Variants in SELENOP observed in about 807,000 individuals in gnomAD.
SELENOP encodes selenoprotein P, also known as selenoprotein P, plasma, 1.
SELENOP carries 36 observed loss-of-function variants against 41.0 expected under a neutral mutation model. That is an observed-to-expected ratio of 0.88 (90% CI 0.67 to 1.16). The LOEUF (loss-of-function observed/expected upper bound fraction) is 1.16, where lower values mean the gene tolerates loss of function less well. SELENOP is among the 50% of genes most tolerant of loss of function. The pLI, the probability that SELENOP is intolerant of heterozygous loss-of-function variation, is 0.00. For synonymous variants in SELENOP, 144 were observed against 150.8 expected, an observed-to-expected ratio of 0.95 and a Z score of 0.33; for missense variants, 440 against 454.2, an observed-to-expected ratio of 0.97 and a Z score of 0.28.
At position 42,808,150 on chromosome 5, in the gene SELENOP, C is replaced by T; in HGVS notation, c.203+1G>A. 2 of 1,489,024 alleles carry T rather than the reference C, an allele frequency of 1.3e-6. No individual in the cohort carries two copies. Among genetic ancestry groups the T allele is most frequent in the South Asian group, 1.4e-5 (1 of 71,184 alleles). 92.2% of individuals were successfully genotyped at this position (1,489,024 alleles called of 1,614,324 possible). On this transcript the variant is annotated splice_donor_variant, in intron 2 of 4. Transcript: ENST00000514985. LOFTEE classifies it high-confidence loss of function. Reference sequence around the variant, plus strand: ...TTTAAGCCACAGAAAGACTGTCTTACTTAGATGCCTGCAGTATGCACAGGT... The same window carrying T: ...TTTAAGCCACAGAAAGACTGTCTTATTTAGATGCCTGCAGTATGCACAGGT...
chr5:42,808,988 C>A (rs953622741), intron 1 of SELENOP, among the ~76,000 whole-genome samples: 3 of 151,436 alleles, frequency 2.0e-5, no homozygotes, highest in African/African-American at 7.3e-5. Context: ...ATGAAAAGAG[C>A]CAGCAAAAAA....
chr5:42,808,229 A>G lies in SELENOP; in HGVS notation c.125T>C (p.Met42Thr), dbSNP rs1366035700. 6.3e-7 allele frequency: 1 copy of G among 1,585,132 alleles called. No homozygotes were observed. The highest frequency in any genetic ancestry group is 8.6e-7 in the Non-Finnish European group (1 of 1,166,142). Residue 42 changes from methionine to threonine, a missense_variant, in exon 2 of 5, where the codon ATG becomes ACG. Met to Thr is a moderately conservative substitution (Grantham distance 81). Transcript: ENST00000514985. ...AGTCACTGAACCATTGGAGTTTAGC[A>G]TTGGATCTTGATCTCTTATGCTCCA... ...PAWSIRDQDPMLNSNGSVTVV... is the reference protein window; with the variant it reads ...PAWSIRDQDPTLNSNGSVTVV...
rs756213126 is a variant in SELENOP at position 42,800,897 on chromosome 5, G to GT, written c.968dup (p.Asn323LysfsTer?). 1.2e-6 allele frequency: 2 copies of GT among 1,614,130 alleles called. No individual in the cohort carries two copies. Among genetic ancestry groups the GT allele is most frequent in the Non-Finnish European group, 1.7e-6 (2 of 1,180,020 alleles). On this transcript the variant is annotated frameshift_variant, in exon 5 of 5. Transcript: ENST00000514985. LOFTEE classifies it high-confidence loss of function. Reference sequence around the variant, plus strand: ...CCTGTCAGCTACATAAAGATGGGAGGTTTTCTTTACACTGTCAGGTGATTG... The same window carrying GT: ...CCTGTCAGCTACATAAAGATGGGAGGTTTTTCTTTACACTGTCAGGTGATTG...
intron 2 of SELENOP, 184 bp downstream of exon 2, chr5:42,807,967 A>G (rs903736289): frequency 5.3e-6 from 2 of 374,012 alleles, no homozygotes; most frequent in Non-Finnish European, 9.4e-6. Context: ...TAGGAAACCC[A>G]CTGTAAACAT....
rs752846115 is a variant in SELENOP at position 42,800,806 on chromosome 5, TTTGTCAGG to T, written c.1052_1059del (p.Ala351AspfsTer?). On this transcript the variant is annotated frameshift_variant, in exon 5 of 5. Coordinates refer to ENST00000514985, the MANE Select transcript of SELENOP (RefSeq NM_005410.4). LOFTEE classifies it high-confidence loss of function. ...TCTGTGGGTATAAGCTGCTGACTTA[TTTGTCAGG>T]CAGCTGGAGGCAAACGTCACTGACA... 1.1e-5 allele frequency: 17 copies of T among 1,614,232 alleles called. No homozygotes were observed. The highest frequency in any genetic ancestry group is 1.4e-5 in the Non-Finnish European group (17 of 1,180,038).
intron 4 of SELENOP, among the ~76,000 whole-genome samples, chr5:42,804,448 C>G (rs1308456753): frequency 6.6e-6 from 1 of 151,916 alleles, no homozygotes; most frequent in African/African-American, 2.4e-5. Context: ...GCGACAGAGA[C>G]AGACTCCGTC....
rs1318399666 is a variant in SELENOP, at chr5:42,801,187, G to GATTCTGGTTGCTT, written c.678_679insAAGCAACCAGAAT (p.Gln227LysfsTer?). The GATTCTGGTTGCTT allele has an allele frequency of 6.2e-7, 1 of 1,614,142 alleles. No homozygotes were observed. The highest frequency in any genetic ancestry group is 8.5e-7 in the Non-Finnish European group (1 of 1,180,022). On this transcript the variant is annotated frameshift_variant, in exon 5 of 5. Transcript: ENST00000514985. LOFTEE classifies it high-confidence loss of function. The stretch of plus-strand genomic sequence containing the variant: ...GGAGCATTTGGTGCTCCTGGTTGCT[G>GATTCTGGTTGCTT]ATTCTCTGAAAGCTCACTGCTGCCA...
At chr5:42,803,624 T>G (rs898030528) in intron 4 of SELENOP, among the ~76,000 whole-genome samples, 14 of 152,204 alleles carry the variant, frequency 9.2e-5, no homozygotes, top group African/African-American at 3.4e-4. Flanking sequence ...AAACCTAAGT[T>G]CAAATTTTCC....
chr5:42,809,718 C>G, intron 1 of SELENOP: 3 of 740,840 alleles, frequency 4.0e-6, no homozygotes, highest in Non-Finnish European at 4.9e-6. Flanking sequence ...AATTTTTAAC[C>G]CTGATTGTCT....
chr5:42,806,944 A>G lies in SELENOP; in HGVS notation c.368T>C (p.Val123Ala). The change falls in exon 3 of 5, where the codon GTC becomes GCC. Residue 123 changes from valine to alanine, a missense_variant. Coordinates refer to ENST00000514985, the MANE Select transcript of SELENOP (RefSeq NM_005410.4). ...TTTGCTTCCATTTAAAAGAGTCCAGACATCTGTTTGGTTTTCTTCTTGTTG... is the reference window on the plus strand; with the variant it reads ...TTTGCTTCCATTTAAAAGAGTCCAGGCATCTGTTTGGTTTTCTTCTTGTTG... ...VYQQEENQTDVWTLLNGSKDD... is the reference protein window; with the variant it reads ...VYQQEENQTDAWTLLNGSKDD... 4.3e-6 allele frequency: 7 copies of G among 1,612,196 alleles called. No homozygotes were observed. Among genetic ancestry groups the G allele is most frequent in the Non-Finnish European group, 5.1e-6 (6 of 1,178,834 alleles).
Position 42,801,202 on chromosome 5 carries a change from C to A in SELENOP, c.664G>T (p.Glu222Ter), listed in dbSNP as rs1166843358. ...NHGHQHLGSS[E>*]LSENQQPGAP... ...CCTGGTTGCTGATTCTCTGAAAGCT[C>A]ACTGCTGCCAAGGTGCTGATGTCCA... Residue 222 changes from glutamate (E) to a stop codon, truncating the protein, a stop_gained, in exon 5 of 5, where the codon GAG (glutamate) becomes TAG (stop). Coordinates refer to ENST00000514985, the MANE Select transcript of SELENOP (RefSeq NM_005410.4). LOFTEE classifies it high-confidence loss of function. 1.2e-6 allele frequency: 2 copies of A among 1,614,010 alleles called. No individual in the cohort carries two copies. The highest frequency in any genetic ancestry group is 1.7e-6 in the Non-Finnish European group (2 of 1,180,038).
rs1331420973 is a variant in SELENOP at position 42,807,063 on chromosome 5, A to G, written c.249T>C (p.Asn83=). The change falls in exon 3 of 5, where the codon AAT becomes AAC. Residue 83 remains asparagine, a synonymous_variant. Coordinates refer to ENST00000514985, the MANE Select transcript of SELENOP (RefSeq NM_005410.4). ...RVKLKKEGYS[N]ISYIVVNHQG... is the part of the protein sequence containing the mutation. ...GATGATTAACAACAATATAAGAAAT[A>G]TTAGAATATCCTTCTTTCTTCAGTT... The G allele has an allele frequency of 2.6e-6, 4 of 1,552,460 alleles. No homozygotes were observed. The highest frequency in any genetic ancestry group is 3.5e-6 in the Non-Finnish European group (4 of 1,128,334).
At chr5:42,802,899 G>A (rs911056189) in intron 4 of SELENOP, among the ~76,000 whole-genome samples, 2 of 152,192 alleles carry the variant, frequency 1.3e-5, no homozygotes, top group East Asian at 1.9e-4. Flanking sequence ...GTGGGCCACC[G>A]CACCCTGCCA....
chr5:42,804,393 G>T (rs1347393881), intron 4 of SELENOP, among the ~76,000 whole-genome samples: 1 of 152,118 alleles, frequency 6.6e-6, no homozygotes, highest in Non-Finnish European at 1.5e-5. Flanking sequence ...CCCGGGAGGC[G>T]GAGCTTGCAG....
Position 42,809,717 on chromosome 5 carries a change from C to A in SELENOP, c.-13-1351G>T, listed in dbSNP as rs531696990. On this transcript the variant is annotated intron_variant, in intron 1 of 4. Transcript: ENST00000514985. Reference sequence around the variant, plus strand: ...TGGTAGATATAGATAGAATTTTTAACCCTGATTGTCTTTCACATTATTTAA... The same window carrying A: ...TGGTAGATATAGATAGAATTTTTAAACCTGATTGTCTTTCACATTATTTAA... 1.8e-5 allele frequency: 13 copies of A among 729,238 alleles called. No individual in the cohort carries two copies. The Admixed American group carries it at 8.2e-4, about 46-fold the overall frequency. The allele number at this position is 729,238 out of a possible 1,614,324, so 45.2% of individuals were successfully genotyped here. A position where few individuals can be genotyped will look rare whatever the true frequency, so the allele number is the denominator to read the frequency against.
chr5:42,800,801 A>C lies in SELENOP; in HGVS notation c.1065T>G (p.Ser355Arg). 6.2e-7 allele frequency: 1 copy of C among 1,614,146 alleles called. No individual in the cohort carries two copies. The highest frequency in any genetic ancestry group is 8.5e-7 in the Non-Finnish European group (1 of 1,180,022). ...TGGCTTCTGTGGGTATAAGCTGCTG[A>C]CTTATTTGTCAGGCAGCTGGAGGCA... ...URLPPAAUQI[S>R]QQLIPTEASA... The change falls in exon 5 of 5, where the codon AGT becomes AGG. Residue 355 changes from serine (S) to arginine (R), a missense_variant. Ser to Arg is a moderately radical substitution (Grantham distance 110). Coordinates refer to ENST00000514985, the MANE Select transcript of SELENOP (RefSeq NM_005410.4).
chr5:42,808,196 G>A lies in SELENOP; in HGVS notation c.158C>T (p.Ala53Val). Reference sequence around the variant, plus strand: ...CAGGTATCAGCTGGCTTGAAGAAGAGCAACCACAGTCACTGAACCATTGGA... The same window carrying A: ...CAGGTATCAGCTGGCTTGAAGAAGAACAACCACAGTCACTGAACCATTGGA... ...LNSNGSVTVV[A>V]LLQASUYLCI... Residue 53 changes from alanine to valine, a missense_variant, in exon 2 of 5, where the codon GCT becomes GTT. Ala to Val is a moderately conservative substitution (Grantham distance 64). Transcript: ENST00000514985. 6.3e-7 allele frequency: 1 copy of A among 1,575,846 alleles called. No homozygotes were observed. Among genetic ancestry groups the A allele is most frequent in the South Asian group, 1.2e-5 (1 of 84,526 alleles).
intron 3 of SELENOP, 62 bp from the exon 4 acceptor site, chr5:42,804,835 T>C (rs1384390614): frequency 9.3e-7 from 1 of 1,078,430 alleles, no homozygotes; most frequent in Non-Finnish European, 1.4e-6. Context: ...CCTACTCAAA[T>C]ACAGTCTGGG....
At chr5:42,805,994 G>C (rs1258567909) in intron 3 of SELENOP, 1 of 152,192 alleles carries the variant, frequency 6.6e-6, no homozygotes, top group East Asian at 1.9e-4. Flanking sequence ...GAAGAGATTA[G>C]TGGAAAAATC....
Sources: allele counts gnomAD v4.1 joint callset (sites outside exome capture counted in the v4.1 genomes callset), GRCh38; gene constraint gnomAD v4.1.1; transcripts MANE v1.5; gene names NCBI Gene and HGNC (gene_info 2026-07-23, HGNC 2026-07-21).